EXOC4: variants seen among roughly 807,000 people sequenced by gnomAD.
EXOC4 encodes exocyst complex component 4, also known as SEC8-like 1.
A neutral mutation model predicts 107.2 loss-of-function variants in EXOC4; 71 were observed. The ratio of observed to expected loss-of-function variants is 0.66; its 90% CI spans 0.55 to 0.81. EXOC4 has a LOEUF of 0.81. Ranked by LOEUF, EXOC4 falls within the 30% of genes least tolerant of loss-of-function variation. The pLI, the probability that EXOC4 is intolerant of heterozygous loss-of-function variation, is 0.00. For missense variants in EXOC4, 1,108 were observed against 1,189.6 expected (o/e 0.93, Z 1.01); for synonymous variants, 456 against 441.2 (o/e 1.03, Z -0.42).
chr7:133,962,468 A>G (rs1017269779), intron 14 of EXOC4, among the ~76,000 whole-genome samples: 14 of 152,178 alleles, frequency 9.2e-5, no homozygotes, highest in Admixed American at 2.6e-4. Flanking sequence ...TAAATTAATT[A>G]AAAGATGATC....
At chr7:133,297,342 G>A (rs1212356149) in intron 3 of EXOC4, among the ~76,000 whole-genome samples, 1 of 152,146 alleles carries the variant, frequency 6.6e-6, no homozygotes, top group Non-Finnish European at 1.5e-5. Context: ...TTGTTGCTCT[G>A]ATTTGTGCAT....
intron 12 of EXOC4, among the ~76,000 whole-genome samples, chr7:133,907,281 T>C (rs547513741): frequency 6.6e-6 from 1 of 152,364 alleles, no homozygotes; most frequent in African/African-American, 2.4e-5. Context: ...TAATTTATTA[T>C]GTGTAACTTT....
intron 11 of EXOC4, among the ~76,000 whole-genome samples, chr7:133,880,831 A>G (rs528840541): frequency 1.8e-4 from 28 of 152,340 alleles, no homozygotes; most frequent in African/African-American, 6.7e-4. Flanking sequence ...TATTATTGAT[A>G]ATTTACATCA....
chr7:133,260,236 A>G (rs1161057043), intron 1 of EXOC4, among the ~76,000 whole-genome samples: 2 of 151,890 alleles, frequency 1.3e-5, no homozygotes, highest in Non-Finnish European at 2.9e-5. Context: ...ACTGCTTTTT[A>G]AAGTTATGAA....
chr7:133,255,340 C>A lies in EXOC4; in HGVS notation c.86+2153C>A, dbSNP rs149275987. Among the ~76,000 whole-genome samples the A allele has an allele frequency of 2.3e-3, 345 of 152,172 alleles. 11 individuals carry two copies. The East Asian group carries it at 0.054, about 24-fold the overall frequency. ...TATAGGCGTGCGCCACCACACCCAC[C>A]TAATTTTTGTATTTTTGGTAGATAC... is the stretch of plus-strand genomic sequence containing the variant. On this transcript the variant is annotated intron_variant, in intron 1 of 17. Coordinates refer to ENST00000253861, the MANE Select transcript of EXOC4 (RefSeq NM_021807.4).
At chr7:133,793,761 C>T (rs1796753661) in intron 10 of EXOC4, among the ~76,000 whole-genome samples, 1 of 152,110 alleles carries the variant, frequency 6.6e-6, no homozygotes, top group Non-Finnish European at 1.5e-5. Context: ...AGGAGAGTCT[C>T]TGGTACCAGG....
chr7:134,075,243 G>T, the EXOC4 span, among the ~76,000 whole-genome samples: 3 of 152,210 alleles, frequency 2.0e-5, no homozygotes, highest in Admixed American at 6.5e-5. Context: ...TGGTGTATAA[G>T]TGCATTATAT....
chr7:133,919,521 C>G (rs1799890672), intron 13 of EXOC4, among the ~76,000 whole-genome samples: 1 of 152,006 alleles, frequency 6.6e-6, no homozygotes, highest in African/African-American at 2.4e-5. Flanking sequence ...TTCCTGTGTT[C>G]CTCCTATTCA....
intron 17 of EXOC4, among the ~76,000 whole-genome samples, chr7:134,033,293 G>A (rs1341932660): frequency 6.6e-6 from 1 of 152,172 alleles, no homozygotes; most frequent in Non-Finnish European, 1.5e-5. Context: ...CCTCCAAAAT[G>A]TTGGTATCCA....
chr7:134,071,738 G>A, the EXOC4 span, among the ~76,000 whole-genome samples: 7 of 152,178 alleles, frequency 4.6e-5, no homozygotes, highest in African/African-American at 1.4e-4. Context: ...CCTACATGCA[G>A]GAATGAGCAA....
At chr7:133,745,625 C>T (rs1795659073) in intron 10 of EXOC4, among the ~76,000 whole-genome samples, 1 of 150,728 alleles carries the variant, frequency 6.6e-6, no homozygotes, top group Non-Finnish European at 1.5e-5. Context: ...TTAAAACAAG[C>T]ATTTAAACAT....
chr7:133,897,810 C>T (rs965669842), intron 12 of EXOC4, among the ~76,000 whole-genome samples: 1 of 152,084 alleles, frequency 6.6e-6, no homozygotes, highest in Non-Finnish European at 1.5e-5. Context: ...ATCTGATTCA[C>T]ATATCCATTA....
intron 7 of EXOC4, among the ~76,000 whole-genome samples, chr7:133,401,372 T>C (rs746397611): frequency 6.6e-6 from 1 of 152,042 alleles, no homozygotes; most frequent in Non-Finnish European, 1.5e-5. Context: ...TTTATGTTCT[T>C]TAATAGTTAG....
At chr7:133,257,652 T>C (rs1334922361) in intron 1 of EXOC4, among the ~76,000 whole-genome samples, 1 of 152,218 alleles carries the variant, frequency 6.6e-6, no homozygotes, top group East Asian at 1.9e-4. Context: ...CAAACTTTGG[T>C]TGTGACTTCA....
At chr7:133,442,945 C>G (rs1219012515) in intron 7 of EXOC4, among the ~76,000 whole-genome samples, 1 of 152,072 alleles carries the variant, frequency 6.6e-6, no homozygotes, top group Non-Finnish European at 1.5e-5. Flanking sequence ...TAAGGTTGAC[C>G]TGTGAAAGAT....
chr7:133,675,907 A>G (rs1794046291), intron 10 of EXOC4, among the ~76,000 whole-genome samples: 2 of 152,124 alleles, frequency 1.3e-5, no homozygotes. Context: ...CCAGTGCACC[A>G]TTTGGTTCTC....
chr7:133,319,784 G>C (rs192515080), intron 5 of EXOC4, among the ~76,000 whole-genome samples: 2 of 145,936 alleles, frequency 1.4e-5, no homozygotes, highest in Non-Finnish European at 3.0e-5. Flanking sequence ...CTGGCCAGAC[G>C]TTTCTTTTTA....
At chr7:134,053,547 A>G (rs1256064851) in intron 17 of EXOC4, among the ~76,000 whole-genome samples, 1 of 148,584 alleles carries the variant, frequency 6.7e-6, no homozygotes. Context: ...TGCTGATGAA[A>G]GTATATCTGA....
chr7:133,913,280 G>C (rs1799736150), intron 12 of EXOC4, among the ~76,000 whole-genome samples: 1 of 152,174 alleles, frequency 6.6e-6, no homozygotes, highest in Non-Finnish European at 1.5e-5. Flanking sequence ...GCTAAGTCTA[G>C]CCTTGGTCTT....
Sources: gnomAD v4.1 joint callset for allele counts (sites outside exome capture counted in the v4.1 genomes callset) on GRCh38, gnomAD v4.1.1 for gene constraint, MANE v1.5 for transcripts, NCBI Gene and HGNC (gene_info 2026-07-23, HGNC 2026-07-21) for gene names.